The following DNAJC2 variants were observed in gnomAD, a reference collection of about 807,000 sequenced individuals.
The protein encoded by DNAJC2 is dnaJ homolog subfamily C member 2.
DNAJC2 carries 32 observed loss-of-function variants against 94.0 expected under a neutral mutation model. The observed-to-expected ratio is 0.34, with a 90% CI of 0.26 to 0.46. The LOEUF is 0.46. DNAJC2 is among the 20% of genes least tolerant of loss of function. The probability of loss-of-function intolerance (pLI) is 1.00; values close to 1 mark genes in which losing one functional copy is unlikely to be tolerated. For synonymous variants in DNAJC2, 210 were observed against 229.7 expected (o/e 0.91, Z 0.77); for missense variants, 550 against 719.5 (o/e 0.76, Z 2.69).
chr7:103,313,962 G>A (rs944271090), intron 15 of DNAJC2: 2 of 985,150 alleles, frequency 2.0e-6, no homozygotes, highest in Admixed American at 6.2e-5. Flanking sequence ...TAGAAACTGC[G>A]GCCTGTGAGA....
chr7:103,315,526 C>G (rs1818001640), intron 15 of DNAJC2, among the ~76,000 whole-genome samples: 2 of 152,076 alleles, frequency 1.3e-5, no homozygotes, highest in South Asian at 4.1e-4. Context: ...TTTGTAAAAC[C>G]TGGTAAGCAA....
At chr7:103,344,431 CACGGCCCCAT>C in intron 1 of DNAJC2, 118 bp downstream of exon 1, 2 of 1,030,610 alleles carry the variant, frequency 1.9e-6, no homozygotes, top group Non-Finnish European at 3.0e-6. Context: ...AGGCACTCGT[CACGGCCCCAT>C]ACGGCCCCGG....
intron 4 of DNAJC2, 141 bp downstream of exon 4, chr7:103,327,515 G>C: frequency 1.4e-6 from 1 of 705,472 alleles, no homozygotes; most frequent in Non-Finnish European, 2.3e-6. Context: ...GTGATGATTA[G>C]AAAGAACTTG....
chr7:103,343,465 T>C (rs1333713470), intron 1 of DNAJC2, among the ~76,000 whole-genome samples: 1 of 152,194 alleles, frequency 6.6e-6, no homozygotes, highest in Non-Finnish European at 1.5e-5. Flanking sequence ...AACCAGACAC[T>C]CTGGGTTTTA....
intron 3 of DNAJC2, among the ~76,000 whole-genome samples, chr7:103,334,833 G>A (rs184362313): frequency 6.6e-6 from 1 of 152,080 alleles, no homozygotes; most frequent in East Asian, 1.9e-4. Context: ...AATATTTTTG[G>A]TATTTTTTTG....
At chr7:103,322,883 A>C (rs765616610) in intron 7 of DNAJC2, 89 bp from the exon 8 acceptor site, 32 of 1,029,112 alleles carry the variant, frequency 3.1e-5, no homozygotes, top group Non-Finnish European at 4.4e-5. Context: ...TTATATGTAC[A>C]TAACATCCTA....
intron 2 of DNAJC2, among the ~76,000 whole-genome samples, chr7:103,338,845 G>T (rs957200106): frequency 7.2e-5 from 11 of 152,040 alleles, no homozygotes; most frequent in African/African-American, 2.7e-4. Context: ...GGGAGGCGGA[G>T]GTTGCAGTGG....
chr7:103,322,749 T>C lies in DNAJC2; in HGVS notation c.765A>G (p.Arg255=). The C allele has an allele frequency of 6.2e-7, 1 of 1,609,512 alleles. No individual in the cohort carries two copies. Among genetic ancestry groups the C allele is most frequent in the South Asian group, 1.1e-5 (1 of 91,040 alleles). Residue 255 remains arginine, a synonymous_variant, in exon 8 of 17, where the codon AGA becomes AGG. Coordinates refer to ENST00000379263, the MANE Select transcript of DNAJC2 (RefSeq NM_014377.3). ...RWIEKQNRAT[R]AQRKKEEMNR... The stretch of plus-strand genomic sequence containing the variant: ...TCATTTCTTCTTTTTTTCTTTGTGC[T>C]CTTGTTGCTCTGTTCTGCTTTTCAA...
At chr7:103,334,107 C>T (rs754553615) in intron 3 of DNAJC2, among the ~76,000 whole-genome samples, 1 of 152,022 alleles carries the variant, frequency 6.6e-6, no homozygotes, top group Non-Finnish European at 1.5e-5. Context: ...CCCGCCACCA[C>T]GCCCAGCTGA....
intron 9 of DNAJC2, 125 bp from the exon 10 acceptor site, chr7:103,322,206 A>G (rs988445598): frequency 2.7e-6 from 2 of 729,956 alleles, no homozygotes; most frequent in Non-Finnish European, 4.0e-6. Flanking sequence ...ACTTATTGAA[A>G]ACTGAAGGAT....
At position 103,332,303 on chromosome 7, in the gene DNAJC2, C is replaced by A. The variant is rs115474069; in HGVS notation, c.332-4549G>T. ...TATAGGCGTGAGCCACTGCACCCAG[C>A]GAATTTGCTATTATTTTTAACATTT... is the stretch of plus-strand genomic sequence containing the variant. On this transcript the variant is annotated intron_variant, in intron 3 of 16. Transcript: ENST00000379263. Among the ~76,000 whole-genome samples the A allele has an allele frequency of 3.8e-3, 572 of 152,248 alleles. 4 individuals carry two copies. The highest frequency in any genetic ancestry group is 0.014 in the African/African-American group (563 of 41,546).
At chr7:103,313,497 G>T (rs1817875414) in intron 15 of DNAJC2, 2 of 985,076 alleles carry the variant, frequency 2.0e-6, no homozygotes, top group South Asian at 9.4e-5. Context: ...TACAGAATAG[G>T]TAAAAGAGCT....
intron 3 of DNAJC2, among the ~76,000 whole-genome samples, chr7:103,328,525 G>A (rs1193463932): frequency 2.6e-5 from 4 of 151,992 alleles, no homozygotes; most frequent in Non-Finnish European, 4.4e-5. Flanking sequence ...CAGCTACTCA[G>A]GTGGCTCAGA....
Position 103,315,850 on chromosome 7 carries a change from A to T in DNAJC2, c.1550T>A (p.Ile517Lys). 6.2e-7 allele frequency: 1 copy of T among 1,613,184 alleles called. No individual in the cohort carries two copies. ...GAACTTATCAAATGCCTTTTTATTT[A>T]TGTCATCTTTTTGATGAGGGTCTGA... ...QKLDPHQKDD[I>K]NKKAFDKFKK... The change falls in exon 15 of 17, where the codon ATA (isoleucine) becomes AAA (lysine). Residue 517 changes from isoleucine (I) to lysine (K), a missense_variant. By Grantham distance (102) the Ile-to-Lys change is moderately radical. This residue lies in a region of DNAJC2 where 271 missense variants were observed against 302.6 expected (regional missense o/e 0.90). Coordinates refer to ENST00000379263, the MANE Select transcript of DNAJC2 (RefSeq NM_014377.3).
chr7:103,325,904 TGATA>T, intron 5 of DNAJC2, among the ~76,000 whole-genome samples: 1 of 152,326 alleles, frequency 6.6e-6, no homozygotes, highest in Non-Finnish European at 1.5e-5. Context: ...GTATACCGAT[TGATA>T]AAGAGGAAAT....
Position 103,323,606 on chromosome 7 carries a change from T to A in DNAJC2, c.711A>T (p.Lys237Asn). 1 of 1,467,128 alleles carries A rather than the reference T, an allele frequency of 6.8e-7. No homozygotes were observed. Among genetic ancestry groups the A allele is most frequent in the South Asian group, 1.3e-5 (1 of 79,102 alleles). The allele number at this position is 1,467,128 out of a possible 1,614,324, so 90.9% of individuals were successfully genotyped here. Residue 237 changes from lysine (K) to asparagine (N), a missense_variant, in exon 7 of 17, where the codon AAA (lysine) becomes AAT (asparagine). By Grantham distance (94) the Lys-to-Asn change is moderately conservative (BLOSUM62 0). Transcript: ENST00000379263. ...ATGATTTGCATACATACCATTCTGC[T>A]TTTTCTTTTTCTTCTTCATCTAAAT... ...FSYLDEEEKEKAECRDERRWI... is the reference protein window; with the variant it reads ...FSYLDEEEKENAECRDERRWI...
At chr7:103,314,801 G>A (rs1817956340) in intron 15 of DNAJC2, 1 of 208,420 alleles carries the variant, frequency 4.8e-6, no homozygotes, top group Non-Finnish European at 8.4e-6. Context: ...AAGAATATAG[G>A]TAAAACTGGG....
intron 3 of DNAJC2, chr7:103,336,698 G>A (rs903533776): frequency 1.3e-5 from 2 of 152,202 alleles, no homozygotes; most frequent in Admixed American, 1.3e-4. Flanking sequence ...CGTGGCAAAT[G>A]GACTTTTCTG....
chr7:103,320,376 G>A (rs1257871411), intron 10 of DNAJC2, among the ~76,000 whole-genome samples: 2 of 151,916 alleles, frequency 1.3e-5, no homozygotes, highest in Non-Finnish European at 2.9e-5. Context: ...GTGAGCCACC[G>A]CGCCCGGCTG....
Sources: allele counts gnomAD v4.1 joint callset (sites outside exome capture counted in the v4.1 genomes callset), GRCh38; gene constraint gnomAD v4.1.1; regional missense constraint gnomAD v4.1.1; transcripts MANE v1.5; gene names NCBI Gene and HGNC (gene_info 2026-07-23, HGNC 2026-07-21).